Variants in AGPAT4 observed in about 807,000 individuals in gnomAD.
AGPAT4 encodes the protein 1-acylglycerol-3-phosphate O-acyltransferase 4, also known as 1-acyl-sn-glycerol-3-phosphate acyltransferase delta.
AGPAT4 carries 15 observed loss-of-function variants against 48.0 expected under a neutral mutation model. The ratio of observed to expected loss-of-function variants is 0.31; its 90% confidence interval spans 0.21 to 0.48. AGPAT4 has a LOEUF of 0.48. Among genes scored for constraint, AGPAT4 ranks in the 20% least tolerant of loss-of-function variants. AGPAT4 has a pLI of 0.99. For synonymous variants in AGPAT4, 178 were observed against 198.7 expected (o/e 0.90, Z 0.88); for missense variants, 314 against 482.5 (o/e 0.65, Z 3.27).
intron 2 of AGPAT4, among the ~76,000 whole-genome samples, chr6:161,172,800 C>T (rs1039463606): frequency 8.6e-5 from 13 of 151,944 alleles, no homozygotes; most frequent in South Asian, 2.1e-4. Flanking sequence ...CCCTTCCCCC[C>T]ACCCCACAAC....
rs562795319 is a variant in AGPAT4 at position 161,132,149 on chromosome 6, T to C, written c.*4391A>G. ...TTGTAAAGACTGCTTGCTTACCCTT[T>C]GTCTGGCATGCACATTCAGGATGTG... On this transcript the variant is annotated 3_prime_UTR_variant, in exon 9 of 9. Transcript: ENST00000320285. 39 of 152,344 alleles carry C rather than the reference T, an allele frequency of 2.6e-4. No homozygotes were observed. Among genetic ancestry groups the C allele is most frequent in the Admixed American group, 2.0e-3 (31 of 15,302 alleles). The allele number at this position is 152,344 out of a possible 1,614,324, so 9.4% of individuals were successfully genotyped here.
rs930686572 is a variant in AGPAT4, at chr6:161,134,803, T to C, written c.*1737A>G. On this transcript the variant is annotated 3_prime_UTR_variant, in exon 9 of 9. Transcript: ENST00000320285. The stretch of plus-strand genomic sequence containing the variant: ...CTTGCCTAAGGTCACGTCCTGGGCT[T>C]TTGCCCACAGATCTCTGCACACGGT... The C allele has an allele frequency of 6.6e-6, 1 of 152,216 alleles. No homozygotes were observed. The highest frequency in any genetic ancestry group is 1.5e-5 in the Non-Finnish European group (1 of 68,134). The allele number at this position is 152,216 out of a possible 1,614,324, so 9.4% of individuals were successfully genotyped here.
In AGPAT4 at chr6:161,145,783, A is replaced by G. The variant is rs190832057; in HGVS notation, c.843+741T>C. Reference sequence around the variant, plus strand: ...TTGAGGAAAAGGTCATCAGAATCCTATAGAATATATCTGATTCTAGGGAAT... The same window carrying G: ...TTGAGGAAAAGGTCATCAGAATCCTGTAGAATATATCTGATTCTAGGGAAT... On this transcript the variant is annotated intron_variant, in intron 7 of 8. Coordinates refer to ENST00000320285, the MANE Select transcript of AGPAT4 (RefSeq NM_020133.3). Among the ~76,000 whole-genome samples the G allele has an allele frequency of 3.5e-4, 53 of 151,850 alleles. 1 individual carries two copies. Among genetic ancestry groups the G allele is most frequent in the African/African-American group, 1.2e-3 (51 of 41,086 alleles).
chr6:161,188,696 C>A (rs1226084890), intron 2 of AGPAT4, among the ~76,000 whole-genome samples: 1 of 152,140 alleles, frequency 6.6e-6, no homozygotes, highest in Non-Finnish European at 1.5e-5. Context: ...CGATTCCAGT[C>A]CTTGTTAACC....
chr6:161,166,297 A>G lies in AGPAT4; in HGVS notation c.299T>C (p.Ile100Thr). Residue 100 changes from isoleucine (I) to threonine (T), a missense_variant, in exon 3 of 9, where the codon ATT becomes ACT. Physicochemically the swap from Ile to Thr is moderately conservative, Grantham distance 89 (BLOSUM62 -1). Coordinates refer to ENST00000320285, the MANE Select transcript of AGPAT4 (RefSeq NM_020133.3). The surrounding 1 kb of genome is among the most constrained non-coding windows in gnomAD (Gnocchi z 6.7). ...CAGGCTCCAGCCACACAGAAAGTCAATTTCAAACTTGTGGTTGAGAACCAC... is the reference window on the plus strand; with the variant it reads ...CAGGCTCCAGCCACACAGAAAGTCAGTTTCAAACTTGTGGTTGAGAACCAC... The part of the protein sequence containing the change: ...AIVVLNHKFE[I>T]DFLCGWSLSE... 6.2e-7 allele frequency: 1 copy of G among 1,614,144 alleles called. No individual in the cohort carries two copies. Among genetic ancestry groups the G allele is most frequent in the Non-Finnish European group, 8.5e-7 (1 of 1,180,018 alleles).
chr6:161,219,946 G>GCAGGCAGACAGACAGA lies in AGPAT4; in HGVS notation c.178+12089_178+12090insTCTGTCTGTCTGCCTG, dbSNP rs1247603859. Among the ~76,000 whole-genome samples, 16 of 143,764 alleles carry GCAGGCAGACAGACAGA rather than the reference G, an allele frequency of 1.1e-4. No homozygotes were observed. Among genetic ancestry groups the GCAGGCAGACAGACAGA allele is most frequent in the South Asian group, 6.6e-4 (3 of 4,520 alleles). 94.3% of individuals were successfully genotyped at this position (143,764 alleles called of 152,430 possible). On this transcript the variant is annotated intron_variant, in intron 2 of 8. Coordinates refer to ENST00000320285, the MANE Select transcript of AGPAT4 (RefSeq NM_020133.3). This position sits in a 1 kb window ranked among gnomAD's most constrained non-coding sequence, Gnocchi z 4.9. ...GGCAGGCAGGCAGGCAGGCAGGCAG[G>GCAGGCAGACAGACAGA]CAGACAGACAGACAGACAGACAGGC...
chr6:161,194,518 G>A (rs890065257), intron 2 of AGPAT4, among the ~76,000 whole-genome samples: 1 of 151,596 alleles, frequency 6.6e-6, no homozygotes, highest in African/African-American at 2.4e-5. Flanking sequence ...GTAAGTATAT[G>A]TGTGTGTCTG....
chr6:161,199,106 CA>C (rs59535516), intron 2 of AGPAT4, among the ~76,000 whole-genome samples: 12,653 of 135,134 alleles, frequency 0.094, 568 homozygotes, highest in African/African-American at 0.1. Context: ...AGAGGAATTA[CA>C]AAAAAAAAAA....
At chr6:161,203,381 C>CTTCTTTTTT (rs1781289759) in intron 2 of AGPAT4, among the ~76,000 whole-genome samples, 1 of 110,764 alleles carries the variant, frequency 9.0e-6, no homozygotes, top group African/African-American at 3.2e-5. Context: ...CTTTTTCTTT[C>CTTCTTTTTT]TTTTTTTTTT....
rs1231523171 is a variant in AGPAT4, at chr6:161,251,082, T to C, written c.-89-18780A>G. On this transcript the variant is annotated intron_variant, in intron 1 of 8. Transcript: ENST00000320285. The surrounding 1 kb of genome is among the most constrained non-coding windows in gnomAD (Gnocchi z 4.6). The stretch of plus-strand genomic sequence containing the variant: ...GAAGTAAGAACTGTAATTTCTTTCA[T>C]AATGTTTAAACTTAGGGCTTCCTTC... Among the ~76,000 whole-genome samples, 2 of 152,242 alleles carry C rather than the reference T, an allele frequency of 1.3e-5. No individual in the cohort carries two copies. The highest frequency in any genetic ancestry group is 6.5e-5 in the Admixed American group (1 of 15,286).
rs1230456209 is a variant in AGPAT4 at position 161,144,980 on chromosome 6, C to CA, written c.843+1543dup. Among the ~76,000 whole-genome samples, 973 of 144,486 alleles carry CA rather than the reference C, an allele frequency of 6.7e-3. 40 individuals are homozygous for CA. The highest frequency in any genetic ancestry group is 0.025 in the African/African-American group (917 of 37,100). The allele number at this position is 144,486 out of a possible 152,430, so 94.8% of individuals were successfully genotyped here. On this transcript the variant is annotated intron_variant, in intron 7 of 8. Coordinates refer to ENST00000320285, the MANE Select transcript of AGPAT4 (RefSeq NM_020133.3). This position sits in a 1 kb window ranked among gnomAD's most constrained non-coding sequence, Gnocchi z 6.6. ...TGGGAGACAGAGTGAAACTCAGTCT[C>CA]AAAAAAAAAAAATAAAAAAAGTAAC... is the stretch of plus-strand genomic sequence containing the variant.
chr6:161,162,218 G>A (rs1057508782), intron 3 of AGPAT4, among the ~76,000 whole-genome samples: 4 of 152,232 alleles, frequency 2.6e-5, no homozygotes, highest in African/African-American at 4.8e-5. Context: ...GTGGGCAGCC[G>A]CCAAGGGGCC....
At chr6:161,151,199 C>T (rs374716866) in intron 5 of AGPAT4, among the ~76,000 whole-genome samples, 4 of 152,348 alleles carry the variant, frequency 2.6e-5, no homozygotes, top group East Asian at 3.9e-4. Flanking sequence ...AGTCACACTG[C>T]GCCAGCTCCT....
intron 1 of AGPAT4, among the ~76,000 whole-genome samples, chr6:161,265,822 C>T (rs1006673163): frequency 1.3e-5 from 2 of 152,150 alleles, no homozygotes; most frequent in African/African-American, 2.4e-5. Flanking sequence ...ATGACCCCCA[C>T]GCAGACTTAT....
chr6:161,236,328 G>T lies in AGPAT4; in HGVS notation c.-89-4026C>A, dbSNP rs1407471256. ...CCAAAAATGATGAACTCGTGTGCTTGACAAAGTAAAGATGATGTATTGCCT... is the reference window on the plus strand; with the variant it reads ...CCAAAAATGATGAACTCGTGTGCTTTACAAAGTAAAGATGATGTATTGCCT... On this transcript the variant is annotated intron_variant, in intron 1 of 8. Coordinates refer to ENST00000320285, the MANE Select transcript of AGPAT4 (RefSeq NM_020133.3). The surrounding 1 kb of genome is among the most constrained non-coding windows in gnomAD (Gnocchi z 5.0). Among the ~76,000 whole-genome samples the T allele has an allele frequency of 1.3e-5, 2 of 152,098 alleles. No homozygotes were observed. The highest frequency in any genetic ancestry group is 2.9e-5 in the Non-Finnish European group (2 of 68,022).
At chr6:161,182,852 C>T (rs944601709) in intron 2 of AGPAT4, among the ~76,000 whole-genome samples, 5 of 152,216 alleles carry the variant, frequency 3.3e-5, no homozygotes, top group African/African-American at 1.2e-4. Flanking sequence ...GATTACAGCA[C>T]ATGGACGCGG....
chr6:161,268,583 A>T (rs1399084252), intron 1 of AGPAT4, among the ~76,000 whole-genome samples: 1 of 152,224 alleles, frequency 6.6e-6, no homozygotes, highest in Non-Finnish European at 1.5e-5. Context: ...TCCCACACAG[A>T]AATGACCATG....
At position 161,240,536 on chromosome 6, in the gene AGPAT4, A is replaced by G. The variant is rs1782454908; in HGVS notation, c.-89-8234T>C. Among the ~76,000 whole-genome samples, 2 of 152,224 alleles carry G rather than the reference A, an allele frequency of 1.3e-5. No individual in the cohort carries two copies. The highest frequency in any genetic ancestry group is 4.1e-4 in the South Asian group (2 of 4,832). The stretch of plus-strand genomic sequence containing the variant: ...AGGTTAACCAGACAAATAAAAGAAA[A>G]TAAAAACTTCAGGGACTGGCAAAGA... On this transcript the variant is annotated intron_variant, in intron 1 of 8. Transcript: ENST00000320285. The surrounding 1 kb of genome is among the most constrained non-coding windows in gnomAD (Gnocchi z 5.5).
chr6:161,187,383 G>T (rs1780799532), intron 2 of AGPAT4, among the ~76,000 whole-genome samples: 1 of 152,238 alleles, frequency 6.6e-6, no homozygotes, highest in Admixed American at 6.5e-5. Context: ...CCAACCATGG[G>T]TCTCAAGAAA....
Sources: gnomAD v4.1 joint callset for allele counts (sites outside exome capture counted in the v4.1 genomes callset) on GRCh38, gnomAD v4.1.1 for gene constraint, Gnocchi (gnomAD v3.1) non-coding constraint, MANE v1.5 for transcripts, NCBI Gene and HGNC (gene_info 2026-07-23, HGNC 2026-07-21) for gene names.